The following PVT1 variants were observed in gnomAD, a reference collection of about 807,000 sequenced individuals.
The protein encoded by PVT1 is CXCR4/PVT1 fusion.
At chr8:128,089,669 G>A (rs1294463773) in intron 5 of PVT1, among the ~76,000 whole-genome samples, 2 of 152,120 alleles carry the variant, frequency 1.3e-5, no homozygotes, top group African/African-American at 4.8e-5. Flanking sequence ...GCAGGGTGTG[G>A]GGGGGGTCAT....
intron 4 of PVT1, among the ~76,000 whole-genome samples, chr8:128,000,200 G>A (rs1283851855): frequency 6.6e-6 from 1 of 152,178 alleles, no homozygotes; most frequent in East Asian, 1.9e-4. Flanking sequence ...GGATGTCCCT[G>A]CTTTCCTGGG....
intron 4 of PVT1, among the ~76,000 whole-genome samples, chr8:128,069,184 T>A (rs1397236383): frequency 6.6e-6 from 1 of 152,228 alleles, no homozygotes; most frequent in Non-Finnish European, 1.5e-5. Flanking sequence ...AAAACCTGTA[T>A]AGAGAGAGGC....
intron 4 of PVT1, among the ~76,000 whole-genome samples, chr8:128,036,497 A>G (rs1813463926): frequency 6.6e-6 from 1 of 152,142 alleles, no homozygotes; most frequent in East Asian, 1.9e-4. Context: ...GATTGATAGG[A>G]CATTTAGTAG....
At chr8:127,866,538 G>A (rs1688188059) in intron 2 of PVT1, among the ~76,000 whole-genome samples, 1 of 152,158 alleles carries the variant, frequency 6.6e-6, no homozygotes, top group Non-Finnish European at 1.5e-5. Flanking sequence ...GAGGCCTGGA[G>A]GAGTAGCCCC....
In PVT1 at chr8:127,950,126, CCTTTTAATAAACTTCCGGGGCACATGCT is replaced by C. The variant is rs376417790; in HGVS notation, n.783-39032_783-39005del. On this transcript the variant is annotated intron_variant and non_coding_transcript_variant, in intron 3 of 10. Transcript: ENST00000651587. Reference sequence around the variant, plus strand: ...CTTTACATGAATCTTCTCATTTAATCCTTTTAATAAACTTCCGGGGCACATGCTCTTCTAATCTCCCTTTTACTGATGA... The same window carrying C: ...CTTTACATGAATCTTCTCATTTAATCCTTCTAATCTCCCTTTTACTGATGA... Among the ~76,000 whole-genome samples, 780 of 152,372 alleles carry C rather than the reference CCTTTTAATAAACTTCCGGGGCACATGCT, an allele frequency of 5.1e-3. 11 individuals are homozygous for C. The highest frequency in any genetic ancestry group is 0.018 in the African/African-American group (739 of 41,592).
intron 4 of PVT1, among the ~76,000 whole-genome samples, chr8:128,022,212 C>T (rs1817446442): frequency 6.6e-6 from 1 of 152,120 alleles, no homozygotes; most frequent in Non-Finnish European, 1.5e-5. Flanking sequence ...TCCTTATCCC[C>T]AGTAAAACCA....
chr8:128,015,703 G>A (rs1057439278), intron 4 of PVT1, among the ~76,000 whole-genome samples: 1 of 149,576 alleles, frequency 6.7e-6, no homozygotes, highest in Non-Finnish European at 1.5e-5. Context: ...AACCTGGGAG[G>A]CGGAGGTTGC....
At chr8:127,954,543 T>C (rs535934780) in intron 3 of PVT1, among the ~76,000 whole-genome samples, 112 of 152,258 alleles carry the variant, frequency 7.4e-4, no homozygotes, top group Non-Finnish European at 1.4e-3. Context: ...TCCACCCGCC[T>C]CGGCCTCCCA....
intron 3 of PVT1, among the ~76,000 whole-genome samples, chr8:127,972,610 G>A (rs1157558956): frequency 1.3e-5 from 2 of 152,004 alleles, no homozygotes; most frequent in East Asian, 3.9e-4. Context: ...GTGGTGGCAG[G>A]CACCTGTAAT....
chr8:127,876,253 A>AGTGTGTGT (rs56039408), intron 2 of PVT1, among the ~76,000 whole-genome samples: 4 of 149,104 alleles, frequency 2.7e-5, no homozygotes, highest in Admixed American at 6.7e-5. Flanking sequence ...CCCAAACAGC[A>AGTGTGTGT]GTGTGTGTGT....
chr8:128,015,958 G>A (rs188541206), intron 4 of PVT1, among the ~76,000 whole-genome samples: 153 of 152,138 alleles, frequency 1.0e-3, no homozygotes, highest in Non-Finnish European at 1.1e-3. Flanking sequence ...TCTTAAACAC[G>A]TCTTCTGGAA....
intron 3 of PVT1, among the ~76,000 whole-genome samples, chr8:127,928,107 T>C (rs907634556): frequency 2.0e-5 from 3 of 152,174 alleles, no homozygotes; most frequent in Non-Finnish European, 2.9e-5. Context: ...GTGTACTTCC[T>C]GTAAAATCTA....
chr8:127,806,961 G>T (rs561151534), intron 2 of PVT1, among the ~76,000 whole-genome samples: 1 of 152,198 alleles, frequency 6.6e-6, no homozygotes, highest in Non-Finnish European at 1.5e-5. Context: ...GAGCATCTGG[G>T]TGTTTCCACA....
rs77977075 is a variant in PVT1 at position 128,097,460 on chromosome 8, A to G, written n.1251+806A>G. Among the ~76,000 whole-genome samples the G allele has an allele frequency of 8.7e-4, 132 of 152,216 alleles. 4 individuals are homozygous for G. In the East Asian group the frequency reaches 0.014, roughly 16 times the overall value. ...AGTTAAGAATAATTTTTATGTCACT[A>G]AAGGGTTGAAGAATACAAAAAGAAT... On this transcript the variant is annotated intron_variant and non_coding_transcript_variant, in intron 6 of 10. Coordinates refer to ENST00000651587, the Ensembl canonical transcript of PVT1.
chr8:127,858,036 T>A (rs1463150611), intron 2 of PVT1, among the ~76,000 whole-genome samples: 1 of 152,142 alleles, frequency 6.6e-6, no homozygotes, highest in African/African-American at 2.4e-5. Context: ...GATCCATGAT[T>A]CTGAATTCAG....
chr8:127,930,864 C>A (rs1816197580), intron 3 of PVT1, among the ~76,000 whole-genome samples: 1 of 152,136 alleles, frequency 6.6e-6, no homozygotes, highest in African/African-American at 2.4e-5. Flanking sequence ...TTTTGTTAAA[C>A]TTGGCTAGAA....
intron 4 of PVT1, among the ~76,000 whole-genome samples, chr8:128,021,224 T>C (rs1817430235): frequency 6.6e-6 from 1 of 150,512 alleles, no homozygotes; most frequent in Admixed American, 6.6e-5. Flanking sequence ...TCCCCCAGCC[T>C]AGGATTCACA....
intron 3 of PVT1, among the ~76,000 whole-genome samples, chr8:127,970,459 G>A (rs1816753306): frequency 6.6e-6 from 1 of 151,888 alleles, no homozygotes; most frequent in African/African-American, 2.4e-5. Flanking sequence ...CACCATGCCT[G>A]GCTAATTTTT....
intron 3 of PVT1, among the ~76,000 whole-genome samples, chr8:127,902,413 A>G (rs1815769907): frequency 6.6e-6 from 1 of 151,554 alleles, no homozygotes; most frequent in South Asian, 2.1e-4. Flanking sequence ...TCCAGAGCTG[A>G]AGTTCTATTT....
Sources: allele counts gnomAD v4.1 joint callset (sites outside exome capture counted in the v4.1 genomes callset), GRCh38; gene constraint gnomAD v4.1.1; transcripts MANE v1.5; gene names NCBI Gene and HGNC (gene_info 2026-07-23, HGNC 2026-07-21).